SHISA9: variants seen among roughly 807,000 people sequenced by gnomAD.
SHISA9 encodes shisa family member 9.
Under a neutral mutation model 38.0 loss-of-function variants are expected in SHISA9, and 13 were observed. That is an observed-to-expected ratio of 0.34 (90% CI 0.22 to 0.54). SHISA9 has a LOEUF of 0.54. Ranked by LOEUF, SHISA9 falls within the 20% of genes least tolerant of loss-of-function variation. The probability of loss-of-function intolerance (pLI) is 0.91; values close to 1 mark genes in which losing one functional copy is unlikely to be tolerated. For synonymous variants in SHISA9, 275 were observed against 242.0 expected, an observed-to-expected ratio of 1.14 and a Z score of -1.27; for missense variants, 538 against 575.8, an observed-to-expected ratio of 0.93 and a Z score of 0.67.
intron 2 of SHISA9, among the ~76,000 whole-genome samples, chr16:13,091,339 TTGG>T (rs1420189394): frequency 1.3e-4 from 20 of 152,336 alleles, no homozygotes; most frequent in African/African-American, 4.8e-4. Flanking sequence ...AATTTGAATG[TTGG>T]CCTGCCTTGC....
At chr16:13,468,025 C>G in the SHISA9 span, among the ~76,000 whole-genome samples, 1 of 152,238 alleles carries the variant, frequency 6.6e-6, no homozygotes, top group Non-Finnish European at 1.5e-5. Flanking sequence ...TACAACAAAA[C>G]TCATCTCAGT....
At chr16:13,491,817 CCTTTTTTTTTTTTTTTTTTTTTTT>C in the SHISA9 span, among the ~76,000 whole-genome samples, 1 of 46,892 alleles carries the variant, frequency 2.1e-5, no homozygotes. Flanking sequence ...TATTTATTGA[CCTTTTTTTTTTTTTTTTTTTTTTT>C]TTTTTTTTTT....
At chr16:13,531,980 A>G in the SHISA9 span, among the ~76,000 whole-genome samples, 1 of 152,152 alleles carries the variant, frequency 6.6e-6, no homozygotes, top group Non-Finnish European at 1.5e-5. Flanking sequence ...ACTTAAGGAG[A>G]TTGAATGCCA....
At chr16:13,546,966 T>G in the SHISA9 span, among the ~76,000 whole-genome samples, 2 of 152,176 alleles carry the variant, frequency 1.3e-5, no homozygotes, top group Non-Finnish European at 2.9e-5. Flanking sequence ...CACACTGCCC[T>G]CCATAAAGCT....
At chr16:13,011,799 G>A (rs1289522540) in intron 2 of SHISA9, among the ~76,000 whole-genome samples, 1 of 152,080 alleles carries the variant, frequency 6.6e-6, no homozygotes, top group Non-Finnish European at 1.5e-5. Context: ...GGGATTACAG[G>A]CGTGAGCCAC....
At chr16:13,383,077 C>G in the SHISA9 span, among the ~76,000 whole-genome samples, 1 of 152,184 alleles carries the variant, frequency 6.6e-6, no homozygotes, top group African/African-American at 2.4e-5. Flanking sequence ...ATGGAACTTA[C>G]ATTCTCATGG....
At chr16:13,396,979 A>C in the SHISA9 span, among the ~76,000 whole-genome samples, 1 of 151,748 alleles carries the variant, frequency 6.6e-6, no homozygotes, top group South Asian at 2.1e-4. Context: ...AGTGAGACCA[A>C]CTCCTCCTCC....
intron 2 of SHISA9, among the ~76,000 whole-genome samples, chr16:13,019,263 G>T (rs2072793569): frequency 6.6e-6 from 1 of 152,048 alleles, no homozygotes; most frequent in Non-Finnish European, 1.5e-5. Flanking sequence ...GCCTCCCAAA[G>T]TGCTGAGATT....
intron 2 of SHISA9, among the ~76,000 whole-genome samples, chr16:13,088,622 G>C (rs2073739988): frequency 6.6e-6 from 1 of 152,050 alleles, no homozygotes. Context: ...GTCTGTTAAT[G>C]GTGTATAGGA....
intron 2 of SHISA9, among the ~76,000 whole-genome samples, chr16:13,159,638 T>C (rs1210915596): frequency 1.3e-5 from 2 of 152,242 alleles, no homozygotes; most frequent in African/African-American, 2.4e-5. Context: ...GATAAAGATT[T>C]ACTATATTTC....
chr16:13,335,775 C>T, the SHISA9 span, among the ~76,000 whole-genome samples: 1 of 152,100 alleles, frequency 6.6e-6, no homozygotes, highest in Non-Finnish European at 1.5e-5. Flanking sequence ...ATCGGAGACT[C>T]AAGTAGGAAT....
intron 2 of SHISA9, among the ~76,000 whole-genome samples, chr16:13,044,752 A>G (rs919136471): frequency 6.6e-6 from 1 of 152,156 alleles, no homozygotes; most frequent in African/African-American, 2.4e-5. Context: ...GCAGTTTTTC[A>G]TTGTGTGACG....
At chr16:13,502,180 C>T in the SHISA9 span, among the ~76,000 whole-genome samples, 93 of 151,958 alleles carry the variant, frequency 6.1e-4, no homozygotes, top group Admixed American at 5.9e-3. Flanking sequence ...AGATTGCCTA[C>T]ATAGCTGTCA....
chr16:13,383,536 G>A, the SHISA9 span, among the ~76,000 whole-genome samples: 1 of 152,142 alleles, frequency 6.6e-6, no homozygotes, highest in African/African-American at 2.4e-5. Flanking sequence ...ACAAGAAACT[G>A]GCAATAGTGA....
At chr16:13,521,126 A>T in the SHISA9 span, among the ~76,000 whole-genome samples, 1 of 152,180 alleles carries the variant, frequency 6.6e-6, no homozygotes. Context: ...CTTCCAGGTT[A>T]GGTGTGATCA....
the SHISA9 span, among the ~76,000 whole-genome samples, chr16:13,342,414 A>C: frequency 6.6e-6 from 1 of 152,100 alleles, no homozygotes; most frequent in Non-Finnish European, 1.5e-5. Flanking sequence ...CAACCTCCCC[A>C]GTAGCTGGGA....
chr16:13,185,308 C>A (rs1297826122), intron 2 of SHISA9, among the ~76,000 whole-genome samples: 1 of 152,162 alleles, frequency 6.6e-6, no homozygotes, highest in Non-Finnish European at 1.5e-5. Context: ...CTTAAGTGAT[C>A]TTCCTGCCTC....
At chr16:13,412,153 A>G in the SHISA9 span, among the ~76,000 whole-genome samples, 42 of 152,268 alleles carry the variant, frequency 2.8e-4, no homozygotes, top group African/African-American at 9.4e-4. Flanking sequence ...GATTACATCA[A>G]ATCATTTTCT....
chr16:13,426,434 G>C, the SHISA9 span, among the ~76,000 whole-genome samples: 3 of 152,214 alleles, frequency 2.0e-5, no homozygotes, highest in African/African-American at 7.2e-5. Flanking sequence ...ACCAAAGAGC[G>C]TCTGCATCTG....
Sources: gnomAD v4.1 joint callset for allele counts (sites outside exome capture counted in the v4.1 genomes callset) on GRCh38, gnomAD v4.1.1 for gene constraint, MANE v1.5 for transcripts, NCBI Gene and HGNC (gene_info 2026-07-23, HGNC 2026-07-21) for gene names.